Variants in TIAM1 observed in about 807,000 individuals in gnomAD.
TIAM1 encodes the protein TIAM Rac1 associated GEF 1, also known as rho guanine nucleotide exchange factor TIAM1.
In TIAM1, 65 loss-of-function variants were observed where a neutral mutation model predicts 163.5. That is an observed-to-expected ratio of 0.40 (90% CI 0.33 to 0.49). TIAM1 has a LOEUF of 0.49. Among genes scored for constraint, TIAM1 ranks in the 20% least tolerant of loss-of-function variants. TIAM1 has a pLI of 0.77. For missense variants in TIAM1, 1,789 were observed against 2,044.7 expected, an observed-to-expected ratio of 0.87 and a Z score of 2.41; for synonymous variants, 833 against 810.1, an observed-to-expected ratio of 1.03 and a Z score of -0.48.
intron 4 of TIAM1, among the ~76,000 whole-genome samples, chr21:31,263,782 T>C (rs887885772): frequency 6.6e-6 from 1 of 152,192 alleles, no homozygotes. Context: ...TCTGCGTCAC[T>C]GTATCCTTCT....
chr21:31,256,345 A>G (rs1323308915), intron 4 of TIAM1, among the ~76,000 whole-genome samples: 1 of 152,204 alleles, frequency 6.6e-6, no homozygotes, highest in Non-Finnish European at 1.5e-5. Flanking sequence ...TAGTTAAGTT[A>G]TAAGTCGAAT....
chr21:31,365,553 T>C lies in TIAM1; in HGVS notation c.-368-26131A>G, dbSNP rs150953183. Reference sequence around the variant, plus strand: ...ACAGGCACCCGCCACCACGCCTGGCTAATTTTTTGTATTTTTTAGTAGAGA... The same window carrying C: ...ACAGGCACCCGCCACCACGCCTGGCCAATTTTTTGTATTTTTTAGTAGAGA... On this transcript the variant is annotated intron_variant, in intron 2 of 28. Transcript: ENST00000286827. Among the ~76,000 whole-genome samples, 1,045 of 151,822 alleles carry C rather than the reference T, an allele frequency of 6.9e-3. 9 individuals carry two copies. The highest frequency in any genetic ancestry group is 0.023 in the African/African-American group (954 of 41,412).
upstream of TIAM1, among the ~76,000 whole-genome samples, chr21:31,348,041 A>G (rs1175078894): frequency 6.6e-6 from 1 of 152,094 alleles, no homozygotes; most frequent in Non-Finnish European, 1.5e-5. Context: ...ACGTATGGAG[A>G]GTTTATTTAA....
chr21:31,386,300 C>A (rs1436424465), intron 2 of TIAM1, among the ~76,000 whole-genome samples: 1 of 152,056 alleles, frequency 6.6e-6, no homozygotes, highest in Non-Finnish European at 1.5e-5. Context: ...CCTGCCCTGC[C>A]CCTGGCTTCT....
intron 2 of TIAM1, among the ~76,000 whole-genome samples, chr21:31,416,247 G>A (rs555012212): frequency 1.3e-5 from 2 of 152,030 alleles, no homozygotes; most frequent in Non-Finnish European, 2.9e-5. Flanking sequence ...TCTGCCACCC[G>A]ATGCCTCCCA....
Position 31,210,097 on chromosome 21 carries a change from G to C in TIAM1, c.2336C>G (p.Thr779Arg). Residue 779 changes from threonine (T) to arginine (R), a missense_variant, in exon 11 of 28, where the codon ACG becomes AGG. Around this residue, in one of 5 missense-constraint regions of TIAM1, gnomAD observed 456 missense variants for 586.6 expected, o/e 0.78. Coordinates refer to ENST00000541036, the MANE Select transcript of TIAM1 (RefSeq NM_001353694.2). ...FCLPNNQPAL[T>R]VVRPGDTARD... ...TGCAGTGTCGCCTGGCCGGACGACC[G>C]TCAGGGCAGGCTGATTATTGGGCAG... The C allele has an allele frequency of 1.2e-6, 2 of 1,614,152 alleles. No individual in the cohort carries two copies. The highest frequency in any genetic ancestry group is 1.7e-6 in the Non-Finnish European group (2 of 1,180,028).
Position 31,392,927 on chromosome 21 carries a change from T to C in TIAM1, c.-368-53505A>G, listed in dbSNP as rs576733161. ...CAAGCAGATGCTGGTGCCTTGCTTATACAGAACCGTGAGCCAAATAAACCT... is the reference window on the plus strand; with the variant it reads ...CAAGCAGATGCTGGTGCCTTGCTTACACAGAACCGTGAGCCAAATAAACCT... On this transcript the variant is annotated intron_variant, in intron 2 of 28. Coordinates refer to the TIAM1 transcript ENST00000286827. Among the ~76,000 whole-genome samples the C allele has an allele frequency of 4.6e-5, 7 of 151,276 alleles. No homozygotes were observed. The Admixed American group carries it at 4.6e-4, about 10-fold the overall frequency.
At chr21:31,491,471 G>A (rs752831755) in intron 1 of TIAM1, among the ~76,000 whole-genome samples, 2 of 152,198 alleles carry the variant, frequency 1.3e-5, no homozygotes, top group Non-Finnish European at 1.5e-5. Flanking sequence ...CCCCAGCAAG[G>A]CACAGAGAAG....
At chr21:31,507,070 T>G (rs896668368) in intron 1 of TIAM1, among the ~76,000 whole-genome samples, 2 of 151,960 alleles carry the variant, frequency 1.3e-5, no homozygotes, top group Non-Finnish European at 2.9e-5. Context: ...TATGCAAATA[T>G]CTCTCTAAGT....
At chr21:31,249,963 T>C (rs759972023) in intron 5 of TIAM1, among the ~76,000 whole-genome samples, 3 of 151,810 alleles carry the variant, frequency 2.0e-5, no homozygotes, top group Non-Finnish European at 4.4e-5. Flanking sequence ...CTGGGCAACA[T>C]AGTAAGACCC....
In TIAM1 at chr21:31,124,714, A is replaced by T; in HGVS notation, c.4134-20T>A. On this transcript the variant is annotated intron_variant, in intron 26 of 27. Coordinates refer to ENST00000541036, the MANE Select transcript of TIAM1 (RefSeq NM_001353694.2). ...GGGGAGCTAGGAAAAGAAGATTTAC[A>T]GATGTTAGAGAATCAGGGCTTAACA... 1 of 1,541,486 alleles carries T rather than the reference A, an allele frequency of 6.5e-7. No homozygotes were observed.
chr21:31,527,375 G>C (rs1443979553), intron 1 of TIAM1, among the ~76,000 whole-genome samples: 1 of 152,122 alleles, frequency 6.6e-6, no homozygotes, highest in African/African-American at 2.4e-5. Flanking sequence ...CCACATTTAG[G>C]TGCCTCTCAA....
chr21:31,487,770 G>T (rs2147410825), intron 1 of TIAM1, among the ~76,000 whole-genome samples: 1 of 151,066 alleles, frequency 6.6e-6, no homozygotes, highest in East Asian at 1.9e-4. Context: ...TGTTAGCCAG[G>T]ATGGTCTCGA....
At chr21:31,394,708 GCTCTCT>G (rs954246497) in intron 2 of TIAM1, among the ~76,000 whole-genome samples, 17 of 105,320 alleles carry the variant, frequency 1.6e-4, no homozygotes, top group South Asian at 3.8e-4. Context: ...TCTCTCTCTC[GCTCTCT>G]CTCTCTCTCT....
At chr21:31,500,858 A>T (rs2046824797) in intron 1 of TIAM1, among the ~76,000 whole-genome samples, 1 of 152,154 alleles carries the variant, frequency 6.6e-6, no homozygotes, top group Non-Finnish European at 1.5e-5. Flanking sequence ...GAGAGGATTC[A>T]TTTCTGCTGT....
At chr21:31,136,652 T>C (rs898766448) in intron 22 of TIAM1, among the ~76,000 whole-genome samples, 1 of 152,080 alleles carries the variant, frequency 6.6e-6, no homozygotes, top group African/African-American at 2.4e-5. Flanking sequence ...GGATGGCAAA[T>C]AGGTACAAAC....
chr21:31,266,385 G>A lies in TIAM1; in HGVS notation c.588C>T (p.Asn196=), dbSNP rs753826634. ...SDLSQEHLTS[N]EEILGSAEEK... is the part of the protein sequence containing the mutation. ...CTTCGGCGGAACCCAAGATTTCTTC[G>A]TTGCTTGTTAAATGTTCTTGGCTCA... The change falls in exon 4 of 28, where the codon AAC becomes AAT. Residue 196 remains asparagine (N), a synonymous_variant. Transcript: ENST00000541036. The A allele has an allele frequency of 1.9e-5, 30 of 1,614,072 alleles. No homozygotes were observed. The Admixed American group carries it at 2.7e-4, about 14-fold the overall frequency.
intron 6 of TIAM1, among the ~76,000 whole-genome samples, chr21:31,243,850 T>C (rs2071353615): frequency 6.6e-6 from 1 of 152,180 alleles, no homozygotes; most frequent in Non-Finnish European, 1.5e-5. Flanking sequence ...AATAAGATGG[T>C]CAATTAAGAA....
rs114397314 is a variant in TIAM1 at position 31,178,618 on chromosome 21, G to A, written c.2887+3803C>T. 3.9e-3 allele frequency among the ~76,000 whole-genome samples: 586 copies of A among 151,816 alleles called. 5 individuals carry two copies. The highest frequency in any genetic ancestry group is 0.013 in the African/African-American group (541 of 41,414). The stretch of plus-strand genomic sequence containing the variant: ...ACTGAGCCCGGCCAGGAATTCTTCT[G>A]AAATTTACTAATTTTGAAGCCAGTT... On this transcript the variant is annotated intron_variant, in intron 15 of 27. Transcript: ENST00000541036.
Sources: gnomAD v4.1 joint callset for allele counts (sites outside exome capture counted in the v4.1 genomes callset) on GRCh38, gnomAD v4.1.1 for gene constraint, gnomAD v4.1.1 regional missense constraint, MANE v1.5 for transcripts, NCBI Gene and HGNC (gene_info 2026-07-23, HGNC 2026-07-21) for gene names.